Variants in PIK3C3 observed in about 807,000 individuals in gnomAD.
PIK3C3 encodes the protein PI3-kinase type 3.
A neutral mutation model predicts 126.1 loss-of-function variants in PIK3C3; 95 were observed. The ratio of observed to expected loss-of-function variants is 0.75; its 90% CI spans 0.64 to 0.89. The LOEUF (loss-of-function observed/expected upper bound fraction) is 0.89, where lower values mean the gene tolerates loss of function less well. PIK3C3 is among the 40% of genes least tolerant of loss of function. The probability of loss-of-function intolerance (pLI) is 0.00; values close to 1 mark genes in which losing one functional copy is unlikely to be tolerated. For missense variants in PIK3C3, 829 were observed against 1,063.2 expected (o/e 0.78, Z 3.06); for synonymous variants, 374 against 360.0 (o/e 1.04, Z -0.44).
At chr18:42,051,067 CTATT>C (rs1392586269) in intron 21 of PIK3C3, 1 of 152,250 alleles carries the variant, frequency 6.6e-6, no homozygotes, top group Non-Finnish European at 1.5e-5. Flanking sequence ...AATTCAACAA[CTATT>C]TATTGAACAG....
intron 2 of PIK3C3, among the ~76,000 whole-genome samples, chr18:41,960,111 G>A (rs1980003265): frequency 6.6e-6 from 1 of 152,106 alleles, no homozygotes; most frequent in African/African-American, 2.4e-5. Flanking sequence ...TTTGATTTCT[G>A]ACTTTCTGAT....
Position 42,015,517 on chromosome 18 carries a change from C to T in PIK3C3, c.1367C>T (p.Pro456Leu). 1 of 1,613,702 alleles carries T rather than the reference C, an allele frequency of 6.2e-7. No individual in the cohort carries two copies. The highest frequency in any genetic ancestry group is 8.5e-7 in the Non-Finnish European group (1 of 1,179,832). ...ITSPLPSVSS[P>L]PPASKTKEVP... ...AGCCCCCTTCCTTCAGTCTCTTCACCTCCTCCTGCATCAAAAACAAAAGAA... is the reference window on the plus strand; with the variant it reads ...AGCCCCCTTCCTTCAGTCTCTTCACTTCCTCCTGCATCAAAAACAAAAGAA... Residue 456 changes from proline (P) to leucine (L), a missense_variant, in exon 12 of 25, where the codon CCT (proline) becomes CTT (leucine). Transcript: ENST00000262039.
chr18:42,015,037 C>T (rs1221289553), intron 11 of PIK3C3, among the ~76,000 whole-genome samples: 1 of 152,050 alleles, frequency 6.6e-6, no homozygotes, highest in African/African-American at 2.4e-5. Flanking sequence ...GTAACCTAGT[C>T]TTTTCCAACT....
At chr18:41,961,981 A>G (rs549309807) in intron 2 of PIK3C3, among the ~76,000 whole-genome samples, 255 of 152,202 alleles carry the variant, frequency 1.7e-3, no homozygotes, top group Non-Finnish European at 2.1e-3. Context: ...AAGAAGTCAC[A>G]TATCTGTCTG....
At chr18:41,980,333 A>G (rs1248734279) in intron 4 of PIK3C3, among the ~76,000 whole-genome samples, 1 of 152,170 alleles carries the variant, frequency 6.6e-6, no homozygotes, top group Non-Finnish European at 1.5e-5. Context: ...TTATAGCTCA[A>G]GTAGCTTGAT....
At chr18:42,004,789 G>C (rs1982463848) in intron 10 of PIK3C3, among the ~76,000 whole-genome samples, 1 of 152,166 alleles carries the variant, frequency 6.6e-6, no homozygotes, top group African/African-American at 2.4e-5. Flanking sequence ...TCTCTCCCAG[G>C]ACATTTACCT....
At position 42,058,020 on chromosome 18, in the gene PIK3C3, C is replaced by G. The variant is rs750704652; in HGVS notation, c.2401C>G (p.Gln801Glu). ...TGAGCAGTACCAAGAGTTCCGTAAA[C>G]AGTGTTACACGGCTTTCCTCCACCT... ...QSEQYQEFRK[Q>E]CYTAFLHLRR... Residue 801 changes from glutamine (Q) to glutamate (E), a missense_variant, in exon 22 of 25, where the codon CAG becomes GAG. Gln to Glu is a conservative substitution (Grantham distance 29). This residue lies in a region of PIK3C3 where 196 missense variants were observed against 312.8 expected (regional missense o/e 0.63). Transcript: ENST00000262039. The G allele has an allele frequency of 6.2e-6, 10 of 1,603,256 alleles. No individual in the cohort carries two copies. The highest frequency in any genetic ancestry group is 5.1e-6 in the Non-Finnish European group (6 of 1,175,702).
In PIK3C3 at chr18:42,054,160, A is replaced by C. The variant is rs1218604557; in HGVS notation, c.2264-3723A>C. 2.9e-3 allele frequency among the ~76,000 whole-genome samples: 127 copies of C among 44,252 alleles called. 10 individuals carry two copies. Among genetic ancestry groups the C allele is most frequent in the East Asian group, 0.016 (22 of 1,406 alleles). 29.0% of individuals were successfully genotyped at this position (44,252 alleles called of 152,430 possible). On this transcript the variant is annotated intron_variant, in intron 21 of 24. Transcript: ENST00000262039. The stretch of plus-strand genomic sequence containing the variant: ...TATATATATATATATATATATATAT[A>C]TATATATATATATATATATATATAT...
chr18:42,020,545 C>T (rs1434674069), intron 12 of PIK3C3, 93 bp from the exon 13 acceptor site: 1 of 731,646 alleles, frequency 1.4e-6, no homozygotes, highest in African/African-American at 1.8e-5. Context: ...ATAAGATATA[C>T]AGATGAAAAC....
At chr18:42,060,447 T>A (rs1985265864) in intron 22 of PIK3C3, among the ~76,000 whole-genome samples, 1 of 152,202 alleles carries the variant, frequency 6.6e-6, no homozygotes, top group Non-Finnish European at 1.5e-5. Flanking sequence ...TTTACATTTT[T>A]TGGTAAAAAT....
chr18:42,033,738 T>G, intron 15 of PIK3C3, 88 bp from the exon 16 acceptor site: 1 of 969,934 alleles, frequency 1.0e-6, no homozygotes, highest in African/African-American at 1.7e-5. Context: ...ACTTTTAAGT[T>G]AATGGAATCA....
chr18:41,973,641 C>T (rs1182875366), intron 4 of PIK3C3, among the ~76,000 whole-genome samples: 2 of 152,004 alleles, frequency 1.3e-5, no homozygotes, highest in East Asian at 3.9e-4. Context: ...GTCTTTCACT[C>T]TTTTTCTGAT....
chr18:41,996,770 C>T lies in PIK3C3; in HGVS notation c.984+40C>T, dbSNP rs368401715. On this transcript the variant is annotated intron_variant, in intron 9 of 24. Transcript: ENST00000262039. Reference sequence around the variant, plus strand: ...TATTTTCATATATCAAATTTATCTACCAACTTTGTTATTAATGATCAAGAT... The same window carrying T: ...TATTTTCATATATCAAATTTATCTATCAACTTTGTTATTAATGATCAAGAT... 28 of 994,016 alleles carry T rather than the reference C, an allele frequency of 2.8e-5. No individual in the cohort carries two copies. In the African/African-American group the frequency reaches 3.0e-4, roughly 11 times the overall value. The allele number at this position is 994,016 out of a possible 1,614,324, so 61.6% of individuals were successfully genotyped here.
At chr18:42,050,026 T>G (rs1421825258) in intron 21 of PIK3C3, 1 of 146,424 alleles carries the variant, frequency 6.8e-6, no homozygotes, top group East Asian at 2.0e-4. Flanking sequence ...AATCAGAGAG[T>G]CTTAAAAATT....
intron 10 of PIK3C3, among the ~76,000 whole-genome samples, chr18:42,007,496 A>G (rs912494941): frequency 4.6e-5 from 7 of 152,280 alleles, no homozygotes; most frequent in South Asian, 4.1e-4. Context: ...CCTTTATGAC[A>G]TATCTTCCAT....
At chr18:42,076,125 C>CATATATATAT (rs1170833789) in intron 24 of PIK3C3, among the ~76,000 whole-genome samples, 11 of 47,672 alleles carry the variant, frequency 2.3e-4, no homozygotes, top group Admixed American at 1.1e-3. Context: ...TATATATGCG[C>CATATATATAT]ATATATATAT....
chr18:41,966,535 A>G (rs893245371), intron 3 of PIK3C3, among the ~76,000 whole-genome samples: 2 of 152,128 alleles, frequency 1.3e-5, no homozygotes, highest in East Asian at 3.9e-4. Flanking sequence ...ACTTATTTTA[A>G]AAGAAAAGCT....
At chr18:41,962,442 G>T (rs1980136892) in intron 2 of PIK3C3, 47 bp from the exon 3 acceptor site, 5 of 1,399,370 alleles carry the variant, frequency 3.6e-6, no homozygotes, top group South Asian at 3.2e-5. Flanking sequence ...TTAAAAGAAA[G>T]ATATATATAT....
chr18:41,989,435 C>T (rs1981663437), intron 5 of PIK3C3, among the ~76,000 whole-genome samples: 1 of 152,260 alleles, frequency 6.6e-6, no homozygotes, highest in African/African-American at 2.4e-5. Flanking sequence ...GCTTAGACTT[C>T]ATTGTATTTT....
Sources: allele counts gnomAD v4.1 joint callset (sites outside exome capture counted in the v4.1 genomes callset), GRCh38; gene constraint gnomAD v4.1.1; regional missense constraint gnomAD v4.1.1; transcripts MANE v1.5; gene names NCBI Gene and HGNC (gene_info 2026-07-23, HGNC 2026-07-21).